Variants in ADGRA3 observed in about 807,000 individuals in gnomAD.
ADGRA3 encodes the protein G-protein coupled receptor 125.
In ADGRA3, 56 loss-of-function variants were observed where a neutral mutation model predicts 119.8. That is an observed-to-expected ratio of 0.47 (90% CI 0.38 to 0.58). The LOEUF is 0.58. Ranked by LOEUF, ADGRA3 falls within the 20% of genes least tolerant of loss-of-function variation. ADGRA3 has a pLI of 0.00. For synonymous variants in ADGRA3, 607 were observed against 623.8 expected, an observed-to-expected ratio of 0.97 and a Z score of 0.40; for missense variants, 1,516 against 1,649.0, an observed-to-expected ratio of 0.92 and a Z score of 1.40.
At chr4:22,509,451 C>T (rs1719360598) in intron 1 of ADGRA3, among the ~76,000 whole-genome samples, 1 of 149,972 alleles carries the variant, frequency 6.7e-6, no homozygotes, top group African/African-American at 2.5e-5. Flanking sequence ...TGCAGTGAGC[C>T]AAGATCGCCC....
rs111342664 is a variant in ADGRA3 at position 22,447,404 on chromosome 4, T to TA, written c.545+35_545+36insT. 3.8e-5 allele frequency: 45 copies of TA among 1,169,902 alleles called. No individual in the cohort carries two copies. The African/African-American group carries it at 4.6e-4, about 12-fold the overall frequency. 72.5% of individuals were successfully genotyped at this position (1,169,902 alleles called of 1,614,324 possible). ...TTTAATTTTCAAAAAGACATGAAAA[T>TA]CAAAAAAAAAAAGAGAGAAAAAAAT... is the stretch of plus-strand genomic sequence containing the variant. On this transcript the variant is annotated intron_variant, in intron 5 of 18. Coordinates refer to ENST00000334304, the MANE Select transcript of ADGRA3 (RefSeq NM_145290.4).
chr4:22,405,908 T>C (rs1714900323), intron 14 of ADGRA3, among the ~76,000 whole-genome samples: 1 of 152,184 alleles, frequency 6.6e-6, no homozygotes, highest in Non-Finnish European at 1.5e-5. Flanking sequence ...AACACCAGAA[T>C]TTATTCCATC....
intron 2 of ADGRA3, among the ~76,000 whole-genome samples, chr4:22,470,628 G>A (rs17599392): frequency 0.095 from 14,497 of 152,114 alleles, 784 homozygotes; most frequent in African/African-American, 0.12. Context: ...TTTTCAAGTC[G>A]TCCGGTTATT....
intron 14 of ADGRA3, among the ~76,000 whole-genome samples, chr4:22,409,862 A>C (rs1715119782): frequency 6.6e-6 from 1 of 152,232 alleles, no homozygotes; most frequent in Admixed American, 6.5e-5. Flanking sequence ...CGCGAGAAAC[A>C]AACAGTAGTT....
Position 22,515,662 on chromosome 4 carries a change from GGCGGGCA to G in ADGRA3, c.116_122del (p.Leu39ProfsTer46), listed in dbSNP as rs1183046934. The G allele has an allele frequency of 8.0e-7, 1 of 1,252,968 alleles. No homozygotes were observed. The highest frequency in any genetic ancestry group is 3.8e-5 in the Admixed American group (1 of 26,088). 77.6% of individuals were successfully genotyped at this position (1,252,968 alleles called of 1,614,324 possible). A position where few individuals can be genotyped will look rare whatever the true frequency, so the allele number is the denominator to read the frequency against. On this transcript the variant is annotated frameshift_variant, in exon 1 of 19. Transcript: ENST00000334304. LOFTEE classifies it high-confidence loss of function. The stretch of plus-strand genomic sequence containing the variant: ...GGGGCCGCCCATCGTGCTTGCAGCC[GGCGGGCA>G]GCGCCGCGGCGCCGCCGCCGCCGCC...
In ADGRA3 at chr4:22,413,818, A is replaced by G; in HGVS notation, c.1810-4T>C. The G allele has an allele frequency of 6.3e-7, 1 of 1,587,146 alleles. No individual in the cohort carries two copies. Among genetic ancestry groups the G allele is most frequent in the Non-Finnish European group, 8.6e-7 (1 of 1,165,900 alleles). ...TAGAAGCCTCCACAATAGTATTCTG[A>G]AAAAATATATATACATAAAAAAAGC... On this transcript the variant is annotated splice_polypyrimidine_tract_variant and splice_region_variant and intron_variant, in intron 12 of 18. Coordinates refer to ENST00000334304, the MANE Select transcript of ADGRA3 (RefSeq NM_145290.4).
chr4:22,448,028 G>A (rs577493377), intron 4 of ADGRA3, among the ~76,000 whole-genome samples: 7 of 152,238 alleles, frequency 4.6e-5, no homozygotes, highest in South Asian at 2.1e-4. Context: ...ATAATTCCAC[G>A]TTGCTCTTGG....
intron 1 of ADGRA3, among the ~76,000 whole-genome samples, chr4:22,491,215 C>T (rs940382121): frequency 2.6e-5 from 4 of 152,104 alleles, no homozygotes; most frequent in Admixed American, 1.3e-4. Flanking sequence ...TTAAAATTCA[C>T]GAGAAGAGTA....
At chr4:22,465,255 T>C (rs1483612838) in intron 2 of ADGRA3, among the ~76,000 whole-genome samples, 1 of 152,218 alleles carries the variant, frequency 6.6e-6, no homozygotes, top group Admixed American at 6.6e-5. Context: ...TACTTCTCCA[T>C]ATGGTACAGG....
chr4:22,427,437 G>T (rs1370665221), intron 10 of ADGRA3, among the ~76,000 whole-genome samples: 4 of 151,244 alleles, frequency 2.6e-5, no homozygotes, highest in Non-Finnish European at 5.9e-5. Flanking sequence ...TGCCAGTAAA[G>T]AAATTAACTT....
chr4:22,491,332 TATA>T (rs1718616128), intron 1 of ADGRA3, among the ~76,000 whole-genome samples: 1 of 152,236 alleles, frequency 6.6e-6, no homozygotes, highest in Admixed American at 6.5e-5. Context: ...TAGGTACTTA[TATA>T]ATGAGAGGAT....
chr4:22,470,241 GA>G (rs1485723689), intron 2 of ADGRA3, among the ~76,000 whole-genome samples: 1 of 147,858 alleles, frequency 6.8e-6, no homozygotes. Flanking sequence ...ACCAAAACTA[GA>G]AAACTAGCTT....
intron 1 of ADGRA3, among the ~76,000 whole-genome samples, chr4:22,509,865 C>T (rs983337796): frequency 1.4e-4 from 22 of 152,010 alleles, no homozygotes; most frequent in Middle Eastern, 3.4e-3. Flanking sequence ...AAAAAATTAG[C>T]CCGGCGTGGT....
intron 10 of ADGRA3, among the ~76,000 whole-genome samples, chr4:22,427,894 G>A (rs1716005630): frequency 6.6e-6 from 1 of 152,184 alleles, no homozygotes; most frequent in African/African-American, 2.4e-5. Context: ...TCACACTAAA[G>A]TGGGAGGAAC....
chr4:22,429,846 C>T (rs1261543164), intron 10 of ADGRA3, among the ~76,000 whole-genome samples: 7 of 152,152 alleles, frequency 4.6e-5, no homozygotes, highest in Non-Finnish European at 1.0e-4. Flanking sequence ...ATGCTCCCAA[C>T]CAACCAACAC....
intron 6 of ADGRA3, chr4:22,443,178 A>G (rs1716691555): frequency 3.2e-6 from 2 of 625,448 alleles, no homozygotes; most frequent in African/African-American, 1.9e-5. Flanking sequence ...GGCATCAGTG[A>G]TAAGTAAATG....
At chr4:22,473,989 T>A (rs1004432883) in intron 1 of ADGRA3, 146 bp from the exon 2 acceptor site, 2 of 503,390 alleles carry the variant, frequency 4.0e-6, no homozygotes, top group Non-Finnish European at 7.1e-6. Flanking sequence ...AAAGTGAGTG[T>A]CTTCCCCTTT....
chr4:22,411,944 A>AAAC (rs746759044), intron 14 of ADGRA3, among the ~76,000 whole-genome samples: 1 of 152,032 alleles, frequency 6.6e-6, no homozygotes, highest in Admixed American at 6.6e-5. Context: ...AGTTGAATTG[A>AAAC]AACAACAACA....
intron 1 of ADGRA3, among the ~76,000 whole-genome samples, chr4:22,482,618 T>C (rs528309396): frequency 3.3e-4 from 50 of 152,136 alleles, no homozygotes; most frequent in African/African-American, 1.2e-3. Flanking sequence ...TGAGCTATGA[T>C]AGTTCCACTG....
Sources: allele counts gnomAD v4.1 joint callset (sites outside exome capture counted in the v4.1 genomes callset), GRCh38; gene constraint gnomAD v4.1.1; transcripts MANE v1.5; gene names NCBI Gene and HGNC (gene_info 2026-07-23, HGNC 2026-07-21).